CACNB4: variants seen among roughly 807,000 people sequenced by gnomAD.
The protein encoded by CACNB4 is voltage-dependent L-type calcium channel subunit beta-4.
A neutral mutation model predicts 71.2 loss-of-function variants in CACNB4; 32 were observed. The observed-to-expected ratio is 0.45, with a 90% CI of 0.34 to 0.60. The LOEUF (loss-of-function observed/expected upper bound fraction) is 0.60, where lower values mean the gene tolerates loss of function less well. CACNB4 is among the 20% of genes least tolerant of loss of function. The pLI is 0.01. For synonymous variants in CACNB4, 231 were observed against 236.9 expected (o/e 0.97, Z 0.23); for missense variants, 464 against 647.9 (o/e 0.72, Z 3.08).
intron 2 of CACNB4, among the ~76,000 whole-genome samples, chr2:151,909,909 G>C (rs1172957014): frequency 6.6e-6 from 1 of 151,586 alleles, no homozygotes; most frequent in Admixed American, 6.6e-5. Flanking sequence ...TTATTTTGGG[G>C]GGTATATCAA....
At chr2:152,070,194 A>G (rs533235983) in intron 2 of CACNB4, among the ~76,000 whole-genome samples, 1 of 152,286 alleles carries the variant, frequency 6.6e-6, no homozygotes, top group East Asian at 1.9e-4. Context: ...ATGACTTCAC[A>G]AAAATAAACA....
chr2:152,008,358 C>T (rs1036059624), intron 2 of CACNB4, among the ~76,000 whole-genome samples: 7 of 152,076 alleles, frequency 4.6e-5, no homozygotes, highest in African/African-American at 1.7e-4. Context: ...GCAATCTCAG[C>T]TCAGTGCAAC....
intron 2 of CACNB4, among the ~76,000 whole-genome samples, chr2:152,008,882 G>A (rs1280140268): frequency 6.6e-6 from 1 of 152,204 alleles, no homozygotes; most frequent in Non-Finnish European, 1.5e-5. Context: ...GCGCTGGGCA[G>A]CACTAGCACG....
At chr2:151,918,686 GTTCAAGGGA>G (rs1052957576) in intron 2 of CACNB4, among the ~76,000 whole-genome samples, 8 of 152,196 alleles carry the variant, frequency 5.3e-5, no homozygotes, top group African/African-American at 1.7e-4. Context: ...CAGGTTGAGA[GTTCAAGGGA>G]TTGTGTGCGT....
chr2:151,947,591 AGC>A (rs1560048083), intron 2 of CACNB4, among the ~76,000 whole-genome samples: 2 of 152,160 alleles, frequency 1.3e-5, no homozygotes, highest in African/African-American at 2.4e-5. Flanking sequence ...ACTTTTCAAA[AGC>A]GCTGCCAGAA....
chr2:151,977,009 G>A (rs2099873931), intron 2 of CACNB4, among the ~76,000 whole-genome samples: 1 of 152,112 alleles, frequency 6.6e-6, no homozygotes, highest in African/African-American at 2.4e-5. Context: ...TGATGGTCAA[G>A]AAGATGAAAG....
At chr2:151,875,976 AC>A (rs1559912329) in intron 5 of CACNB4, among the ~76,000 whole-genome samples, 3 of 119,504 alleles carry the variant, frequency 2.5e-5, no homozygotes, top group Admixed American at 8.4e-5. Flanking sequence ...CGGGGGGCTG[AC>A]TCCCCCACCT....
chr2:152,065,641 G>A (rs545008266), intron 2 of CACNB4, among the ~76,000 whole-genome samples: 1 of 152,310 alleles, frequency 6.6e-6, no homozygotes, highest in South Asian at 2.1e-4. Context: ...GAAAGTAACA[G>A]CAAGCAGAAA....
At chr2:151,930,688 G>C (rs1442052394) in intron 2 of CACNB4, among the ~76,000 whole-genome samples, 1 of 151,800 alleles carries the variant, frequency 6.6e-6, no homozygotes, top group Non-Finnish European at 1.5e-5. Flanking sequence ...TATGGAAATG[G>C]GTTAAAGGTA....
intron 2 of CACNB4, among the ~76,000 whole-genome samples, chr2:151,947,233 C>G (rs980075930): frequency 2.6e-5 from 4 of 152,180 alleles, no homozygotes; most frequent in Admixed American, 6.5e-5. Context: ...TGGGGCTATG[C>G]AGGCAACAGA....
At chr2:151,903,359 C>CA (rs1216162481) in intron 2 of CACNB4, among the ~76,000 whole-genome samples, 176 of 148,260 alleles carry the variant, frequency 1.2e-3, no homozygotes, top group African/African-American at 3.6e-3. Context: ...ACTAAAAATC[C>CA]AAAAAAAAAA....
At chr2:151,873,977 T>C (rs1352195693) in intron 5 of CACNB4, 1 of 152,160 alleles carries the variant, frequency 6.6e-6, no homozygotes, top group Non-Finnish European at 1.5e-5. Flanking sequence ...TGAGATCTGA[T>C]TGTTTAAAAG....
At chr2:151,956,982 T>C (rs2099868432) in intron 2 of CACNB4, among the ~76,000 whole-genome samples, 1 of 152,136 alleles carries the variant, frequency 6.6e-6, no homozygotes, top group Admixed American at 6.5e-5. Flanking sequence ...CCAGTCTCTA[T>C]TAAAAATACA....
intron 2 of CACNB4, among the ~76,000 whole-genome samples, chr2:151,893,792 T>A (rs2151484042): frequency 6.6e-6 from 1 of 152,254 alleles, no homozygotes; most frequent in South Asian, 2.1e-4. Flanking sequence ...TCAGTCAAAA[T>A]GAAAATGACA....
chr2:151,936,790 A>C (rs538770558), intron 2 of CACNB4, among the ~76,000 whole-genome samples: 3 of 152,232 alleles, frequency 2.0e-5, no homozygotes, highest in Admixed American at 6.5e-5. Flanking sequence ...TGCCTATTAC[A>C]TCATCAGTAA....
At chr2:151,891,435 G>T (rs1278066953) in intron 2 of CACNB4, among the ~76,000 whole-genome samples, 1 of 152,200 alleles carries the variant, frequency 6.6e-6, no homozygotes, top group African/African-American at 2.4e-5. Context: ...AATGATGGTA[G>T]CAAGAGGGTA....
intron 2 of CACNB4, among the ~76,000 whole-genome samples, chr2:152,059,795 C>T (rs1289621397): frequency 6.6e-6 from 1 of 152,156 alleles, no homozygotes; most frequent in Non-Finnish European, 1.5e-5. Context: ...TATGGTTTGG[C>T]TCTGTGTCTC....
At chr2:152,001,718 GA>G (rs70974817) in intron 2 of CACNB4, among the ~76,000 whole-genome samples, 61,921 of 127,762 alleles carry the variant, frequency 0.48, 17,119 homozygotes, top group Non-Finnish European at 0.65. Context: ...TGTCTCGAAA[GA>G]AAAAAAAAAA....
At chr2:151,849,717 G>GC (rs1274816189) in intron 12 of CACNB4, among the ~76,000 whole-genome samples, 1 of 152,198 alleles carries the variant, frequency 6.6e-6, no homozygotes, top group African/African-American at 2.4e-5. Context: ...AGCTGGCTGA[G>GC]CCCAGCCTTC....
Sources: allele counts gnomAD v4.1 joint callset (sites outside exome capture counted in the v4.1 genomes callset), GRCh38; gene constraint gnomAD v4.1.1; transcripts MANE v1.5; gene names NCBI Gene and HGNC (gene_info 2026-07-23, HGNC 2026-07-21).